CATSPERT: variants seen among roughly 807,000 people sequenced by gnomAD.
CATSPERT encodes cation channel sperm-associated targeting subunit tau.
the CATSPERT span, chr2:201,582,313 T>A: frequency 2.5e-6 from 3 of 1,186,264 alleles, no homozygotes; most frequent in South Asian, 4.9e-5. Flanking sequence ...ATTATGCAAA[T>A]ATTATTATGC....
the CATSPERT span, chr2:201,565,648 G>C: frequency 1.5e-6 from 2 of 1,353,810 alleles, no homozygotes; most frequent in Non-Finnish European, 1.9e-6. Flanking sequence ...GTCTCAAAGG[G>C]AGAAATTAAT....
chr2:201,535,979 G>A, the CATSPERT span: 2 of 1,607,748 alleles, frequency 1.2e-6, no homozygotes, highest in African/African-American at 2.7e-5. Flanking sequence ...ATGAATCTAA[G>A]TTCCTGCTCT....
chr2:201,532,845 C>T, the CATSPERT span, among the ~76,000 whole-genome samples: 3 of 152,128 alleles, frequency 2.0e-5, no homozygotes. Flanking sequence ...ATATATTAGT[C>T]ATTGGGGACT....
At chr2:201,552,087 C>G in the CATSPERT span, among the ~76,000 whole-genome samples, 27 of 151,070 alleles carry the variant, frequency 1.8e-4, no homozygotes, top group African/African-American at 5.1e-4. Flanking sequence ...GCTCCACCCC[C>G]CAGGCCCAAG....
the CATSPERT span, among the ~76,000 whole-genome samples, chr2:201,599,454 G>A: frequency 9.9e-5 from 15 of 151,612 alleles, no homozygotes; most frequent in East Asian, 1.9e-4. Flanking sequence ...CATACTTCTC[G>A]CCATTCCTCC....
chr2:201,605,965 C>T, the CATSPERT span, among the ~76,000 whole-genome samples: 44 of 151,892 alleles, frequency 2.9e-4, no homozygotes, highest in African/African-American at 9.4e-4. Context: ...AAGGTAGCAT[C>T]GATTCAAAAA....
At chr2:201,514,225 G>A in the CATSPERT span, among the ~76,000 whole-genome samples, 1 of 152,016 alleles carries the variant, frequency 6.6e-6, no homozygotes, top group African/African-American at 2.4e-5. Context: ...ACCAAAACTA[G>A]TAACAACATT....
chr2:201,497,121 A>G, the CATSPERT span, among the ~76,000 whole-genome samples: 34 of 152,364 alleles, frequency 2.2e-4, no homozygotes, highest in African/African-American at 7.7e-4. Context: ...AATGAGTAAC[A>G]TTTTTATTAG....
At chr2:201,581,587 TATATATACACATAC>T in the CATSPERT span, among the ~76,000 whole-genome samples, 1 of 74,024 alleles carries the variant, frequency 1.4e-5, no homozygotes, top group African/African-American at 5.7e-5. Flanking sequence ...TATATATATA[TATATATACACATAC>T]ATATTCTGGA....
the CATSPERT span, among the ~76,000 whole-genome samples, chr2:201,603,469 C>A: frequency 1.3e-5 from 2 of 152,002 alleles, no homozygotes; most frequent in Non-Finnish European, 2.9e-5. Context: ...AAGAAAAATG[C>A]GCAGGCCACA....
At chr2:201,569,473 C>A in the CATSPERT span, among the ~76,000 whole-genome samples, 1 of 152,164 alleles carries the variant, frequency 6.6e-6, no homozygotes, top group Non-Finnish European at 1.5e-5. Flanking sequence ...CCATGCCCAC[C>A]TTGCCTTTGG....
chr2:201,536,229 T>A, the CATSPERT span: 1 of 1,613,490 alleles, frequency 6.2e-7, no homozygotes, highest in Non-Finnish European at 8.5e-7. Flanking sequence ...TGTTGATTCA[T>A]CATTTTTAGA....
the CATSPERT span, among the ~76,000 whole-genome samples, chr2:201,610,444 C>A: frequency 7.6e-6 from 1 of 131,798 alleles, no homozygotes; most frequent in East Asian, 2.2e-4. Flanking sequence ...GGTGACAGTG[C>A]GAGACTCCGT....
chr2:201,521,597 C>A, the CATSPERT span, among the ~76,000 whole-genome samples: 1 of 152,198 alleles, frequency 6.6e-6, no homozygotes, highest in Non-Finnish European at 1.5e-5. Context: ...TTTGACATTA[C>A]ATTTGGGTGG....
At chr2:201,570,441 T>C in the CATSPERT span, among the ~76,000 whole-genome samples, 16 of 152,318 alleles carry the variant, frequency 1.1e-4, no homozygotes, top group African/African-American at 3.8e-4. Context: ...TAATGAAAAA[T>C]ATTTATTAAT....
At chr2:201,555,023 G>A in the CATSPERT span, 2 of 152,036 alleles carry the variant, frequency 1.3e-5, no homozygotes, top group Non-Finnish European at 2.9e-5. Flanking sequence ...TTCTATCTCT[G>A]ACTAACAAAG....
chr2:201,563,402 T>C, the CATSPERT span, among the ~76,000 whole-genome samples: 4 of 106,484 alleles, frequency 3.8e-5, no homozygotes, highest in Non-Finnish European at 8.2e-5. Flanking sequence ...ACGGGGCGGC[T>C]GGCCGGGCGG....
At chr2:201,560,728 G>A in the CATSPERT span, among the ~76,000 whole-genome samples, 30 of 151,668 alleles carry the variant, frequency 2.0e-4, 1 homozygote, top group African/African-American at 6.8e-4. Context: ...CTTGGAAGAG[G>A]ACCCCGCTAA....
At chr2:201,604,758 C>T in the CATSPERT span, 1 of 1,158,608 alleles carries the variant, frequency 8.6e-7, no homozygotes, top group South Asian at 1.5e-5. Context: ...GATGAAACAT[C>T]AATTCAATAA....
Sources: allele counts gnomAD v4.1 joint callset (sites outside exome capture counted in the v4.1 genomes callset), GRCh38; gene constraint gnomAD v4.1.1; transcripts MANE v1.5; gene names NCBI Gene and HGNC (gene_info 2026-07-23, HGNC 2026-07-21).